The following SMYD3 variants were observed in gnomAD, a reference collection of about 807,000 sequenced individuals.
The protein encoded by SMYD3 is SET and MYND domain containing 3, also known as histone-lysine N-methyltransferase SMYD3.
Under a neutral mutation model 57.7 loss-of-function variants are expected in SMYD3, and 36 were observed. The observed-to-expected ratio is 0.62, with a 90% CI of 0.48 to 0.82. The LOEUF (loss-of-function observed/expected upper bound fraction) is 0.82, where lower values mean the gene tolerates loss of function less well. Among genes scored for constraint, SMYD3 ranks in the 40% least tolerant of loss-of-function variants. The probability of loss-of-function intolerance (pLI) is 0.00; values close to 1 mark genes in which losing one functional copy is unlikely to be tolerated. For missense variants in SMYD3, 515 were observed against 538.8 expected (o/e 0.96, Z 0.44); for synonymous variants, 211 against 195.0 (o/e 1.08, Z -0.68).
chr1:245,960,395 G>T (rs2057968434), intron 5 of SMYD3, among the ~76,000 whole-genome samples: 1 of 152,132 alleles, frequency 6.6e-6, no homozygotes, highest in African/African-American at 2.4e-5. Context: ...CTATTTTTCT[G>T]CCTGAAAATG....
chr1:246,330,403 T>A, intron 4 of SMYD3, 77 bp downstream of exon 4: 1 of 1,186,220 alleles, frequency 8.4e-7, no homozygotes, highest in Non-Finnish European at 1.2e-6. Flanking sequence ...AAAAACATAG[T>A]TAAAAATAAA....
chr1:245,953,307 C>T, intron 5 of SMYD3: 1 of 997,996 alleles, frequency 1.0e-6, no homozygotes, highest in Non-Finnish European at 1.2e-6. Context: ...TCAACTCCAA[C>T]TAGACCAAAA....
At chr1:245,913,576 T>C (rs1325117707) in intron 8 of SMYD3, among the ~76,000 whole-genome samples, 1 of 149,852 alleles carries the variant, frequency 6.7e-6, no homozygotes, top group Non-Finnish European at 1.5e-5. Flanking sequence ...AAAGATTTTA[T>C]GGCTAAGACC....
At chr1:245,979,480 C>G (rs1032064500) in intron 5 of SMYD3, among the ~76,000 whole-genome samples, 2 of 152,028 alleles carry the variant, frequency 1.3e-5, no homozygotes, top group Non-Finnish European at 2.9e-5. Flanking sequence ...AGAAGGTGGC[C>G]ATGAGAAGAC....
intron 8 of SMYD3, among the ~76,000 whole-genome samples, chr1:245,910,523 A>C (rs1355212585): frequency 6.6e-6 from 1 of 152,166 alleles, no homozygotes; most frequent in East Asian, 1.9e-4. Context: ...CTGACTTGAA[A>C]ATGCTCTATA....
intron 5 of SMYD3, among the ~76,000 whole-genome samples, chr1:246,045,788 A>G (rs542544192): frequency 1.9e-4 from 29 of 152,318 alleles, no homozygotes; most frequent in African/African-American, 6.5e-4. Context: ...CAAGAAAAAA[A>G]TCAACCCCAT....
chr1:245,977,508 G>A (rs532961509), intron 5 of SMYD3, among the ~76,000 whole-genome samples: 10 of 152,036 alleles, frequency 6.6e-5, no homozygotes, highest in Non-Finnish European at 1.2e-4. Flanking sequence ...GTGAAACCTC[G>A]TCTCTACTAG....
At chr1:246,314,719 T>C (rs926759028) in intron 5 of SMYD3, among the ~76,000 whole-genome samples, 1 of 152,212 alleles carries the variant, frequency 6.6e-6, no homozygotes, top group East Asian at 1.9e-4. Flanking sequence ...CTGAGTTATC[T>C]GAAGGGAAGG....
At chr1:245,785,328 CTAAAG>C in intron 10 of SMYD3, among the ~76,000 whole-genome samples, 1 of 152,218 alleles carries the variant, frequency 6.6e-6, no homozygotes, top group South Asian at 2.1e-4. Context: ...AAATCCTCCA[CTAAAG>C]TAATTTCCAC....
chr1:246,450,195 G>A (rs1198130911), intron 1 of SMYD3, among the ~76,000 whole-genome samples: 1 of 152,130 alleles, frequency 6.6e-6, no homozygotes, highest in Non-Finnish European at 1.5e-5. Context: ...GCTGAGGCAG[G>A]AGAATGGCTT....
intron 8 of SMYD3, among the ~76,000 whole-genome samples, chr1:245,866,979 G>A (rs1314472533): frequency 6.6e-6 from 1 of 152,200 alleles, no homozygotes; most frequent in Non-Finnish European, 1.5e-5. Flanking sequence ...AGTCTCTATG[G>A]TAAGCAGAAT....
chr1:245,921,421 AC>A (rs1335331458), intron 7 of SMYD3, among the ~76,000 whole-genome samples: 1 of 152,152 alleles, frequency 6.6e-6, no homozygotes, highest in Non-Finnish European at 1.5e-5. Context: ...CTGGGTATAT[AC>A]CCAAAGAAAA....
At chr1:245,758,239 A>G (rs1483028290) in intron 11 of SMYD3, among the ~76,000 whole-genome samples, 1 of 152,112 alleles carries the variant, frequency 6.6e-6, no homozygotes, top group East Asian at 1.9e-4. Context: ...GTTGATCTGT[A>G]TCCTGCTACC....
chr1:245,815,487 A>C (rs2048752978), intron 10 of SMYD3, among the ~76,000 whole-genome samples: 1 of 152,228 alleles, frequency 6.6e-6, no homozygotes, highest in Non-Finnish European at 1.5e-5. Flanking sequence ...TGGATCCCAG[A>C]TCAACCAAGG....
At chr1:246,223,111 C>T (rs2063280624) in intron 5 of SMYD3, among the ~76,000 whole-genome samples, 1 of 151,274 alleles carries the variant, frequency 6.6e-6, no homozygotes, top group Non-Finnish European at 1.5e-5. Flanking sequence ...TACCCATCTG[C>T]CCAACTCCTT....
At chr1:246,290,798 C>T (rs2064674809) in intron 5 of SMYD3, among the ~76,000 whole-genome samples, 1 of 152,060 alleles carries the variant, frequency 6.6e-6, no homozygotes, top group Non-Finnish European at 1.5e-5. Flanking sequence ...CTGAACTAAA[C>T]ACACATAATT....
chr1:245,998,752 C>A (rs922396717), intron 5 of SMYD3, among the ~76,000 whole-genome samples: 6 of 152,110 alleles, frequency 3.9e-5, no homozygotes, highest in Admixed American at 6.6e-5. Context: ...GTGGAAACAT[C>A]CCAAGGGTCC....
At chr1:246,375,714 A>G (rs1236189794) in intron 1 of SMYD3, among the ~76,000 whole-genome samples, 1 of 151,888 alleles carries the variant, frequency 6.6e-6, no homozygotes, top group Non-Finnish European at 1.5e-5. Context: ...CTAAAATCTA[A>G]TTTTTTTATT....
chr1:246,020,931 G>A (rs1402816621), intron 5 of SMYD3, among the ~76,000 whole-genome samples: 1 of 152,022 alleles, frequency 6.6e-6, no homozygotes, highest in African/African-American at 2.4e-5. Flanking sequence ...CTCTTCTTAA[G>A]GCCTACCTGC....
Sources: gnomAD v4.1 joint callset for allele counts (sites outside exome capture counted in the v4.1 genomes callset) on GRCh38, gnomAD v4.1.1 for gene constraint, MANE v1.5 for transcripts, NCBI Gene and HGNC (gene_info 2026-07-23, HGNC 2026-07-21) for gene names.